Variants in WDR7 observed in about 807,000 individuals in gnomAD.
WDR7 encodes the protein WD repeat domain 7, also known as WD repeat-containing protein 7.
A neutral mutation model predicts 169.4 loss-of-function variants in WDR7; 46 were observed. The observed-to-expected ratio is 0.27, with a 90% CI of 0.21 to 0.35. The LOEUF (loss-of-function observed/expected upper bound fraction) is 0.35. Among genes scored for constraint, WDR7 ranks in the 10% least tolerant of loss-of-function variants. WDR7 has a pLI of 1.00. For synonymous variants in WDR7, 612 were observed against 666.8 expected (o/e 0.92, Z 1.27); for missense variants, 1,534 against 1,859.3 (o/e 0.83, Z 3.22).
At chr18:56,893,799 A>G (rs1485150213) in intron 21 of WDR7, among the ~76,000 whole-genome samples, 1 of 152,170 alleles carries the variant, frequency 6.6e-6, no homozygotes, top group African/African-American at 2.4e-5. Flanking sequence ...CACTACTTCA[A>G]GAACAGCAGA....
intron 19 of WDR7, among the ~76,000 whole-genome samples, chr18:56,796,153 A>G (rs1444053687): frequency 6.6e-6 from 1 of 152,232 alleles, no homozygotes; most frequent in Non-Finnish European, 1.5e-5. Context: ...TATAATCTTA[A>G]CACCCATAGT....
chr18:56,924,192 T>A, intron 22 of WDR7, 84 bp downstream of exon 22: 1 of 1,462,452 alleles, frequency 6.8e-7, no homozygotes, highest in Non-Finnish European at 9.3e-7. Flanking sequence ...TCATTCTGTA[T>A]AGATTGTGCA....
chr18:56,881,223 T>C (rs1910664418), intron 21 of WDR7, among the ~76,000 whole-genome samples: 1 of 152,206 alleles, frequency 6.6e-6, no homozygotes. Flanking sequence ...AACAAATACT[T>C]ATTAGTGATA....
chr18:56,890,363 A>G (rs563236980), intron 21 of WDR7, among the ~76,000 whole-genome samples: 10 of 152,252 alleles, frequency 6.6e-5, no homozygotes, highest in Non-Finnish European at 1.2e-4. Flanking sequence ...TTAATCATGC[A>G]TATTTTATTT....
At chr18:56,752,177 A>C (rs1001296402) in intron 14 of WDR7, among the ~76,000 whole-genome samples, 2 of 152,166 alleles carry the variant, frequency 1.3e-5, no homozygotes, top group Non-Finnish European at 2.9e-5. Flanking sequence ...GTATTTAACA[A>C]GCACTCCTGG....
intron 26 of WDR7, among the ~76,000 whole-genome samples, chr18:56,991,630 T>C (rs1447507097): frequency 6.6e-6 from 1 of 152,212 alleles, no homozygotes; most frequent in East Asian, 1.9e-4. Context: ...GGGCAGTCCA[T>C]AGCTATGGAT....
intron 26 of WDR7, among the ~76,000 whole-genome samples, chr18:56,998,788 AT>A (rs1746942299): frequency 6.6e-6 from 1 of 152,196 alleles, no homozygotes; most frequent in South Asian, 2.1e-4. Flanking sequence ...TCTGAATGTG[AT>A]TTAAGTGGCT....
chr18:56,783,017 T>C (rs569405357), intron 19 of WDR7, among the ~76,000 whole-genome samples: 1 of 152,172 alleles, frequency 6.6e-6, no homozygotes, highest in Non-Finnish European at 1.5e-5. Flanking sequence ...AATGCAAATA[T>C]TTATTTCACT....
chr18:56,838,551 C>T (rs555633343), intron 20 of WDR7, among the ~76,000 whole-genome samples: 3 of 152,246 alleles, frequency 2.0e-5, no homozygotes, highest in South Asian at 4.1e-4. Flanking sequence ...AGAATGTGAA[C>T]GACAAAATTG....
intron 19 of WDR7, among the ~76,000 whole-genome samples, chr18:56,803,023 G>A (rs1032981427): frequency 6.6e-6 from 1 of 151,364 alleles, no homozygotes; most frequent in East Asian, 1.9e-4. Flanking sequence ...GTATCTTCTA[G>A]GTCATTAACT....
At chr18:56,855,626 C>T (rs1006861113) in intron 20 of WDR7, among the ~76,000 whole-genome samples, 10 of 151,880 alleles carry the variant, frequency 6.6e-5, no homozygotes, top group African/African-American at 2.4e-4. Flanking sequence ...ATATCTGGAC[C>T]CTGGGGGGTT....
At chr18:56,876,696 T>A (rs980554147) in intron 20 of WDR7, among the ~76,000 whole-genome samples, 1 of 152,126 alleles carries the variant, frequency 6.6e-6, no homozygotes, top group Non-Finnish European at 1.5e-5. Flanking sequence ...ATGTATTAAA[T>A]ACGTGACTGG....
At chr18:56,973,707 A>C (rs2047524458) in intron 26 of WDR7, among the ~76,000 whole-genome samples, 2 of 152,236 alleles carry the variant, frequency 1.3e-5, no homozygotes, top group South Asian at 4.1e-4. Flanking sequence ...TGAGGACATG[A>C]CTCTGTCATT....
chr18:56,832,827 C>G (rs1176711152), intron 20 of WDR7, among the ~76,000 whole-genome samples: 1 of 152,150 alleles, frequency 6.6e-6, no homozygotes, highest in African/African-American at 2.4e-5. Flanking sequence ...AAAACCCCAT[C>G]TGAAGGTCAC....
At chr18:56,755,273 G>T (rs1240488242) in intron 14 of WDR7, among the ~76,000 whole-genome samples, 1 of 152,080 alleles carries the variant, frequency 6.6e-6, no homozygotes, top group Middle Eastern at 3.2e-3. Flanking sequence ...CTCATCTCAA[G>T]ATCAGTTAGA....
At chr18:56,901,717 T>C (rs1317747860) in intron 21 of WDR7, among the ~76,000 whole-genome samples, 1 of 152,174 alleles carries the variant, frequency 6.6e-6, no homozygotes, top group Non-Finnish European at 1.5e-5. Flanking sequence ...CTAGGTGCTT[T>C]ATCAGACTGA....
intron 26 of WDR7, among the ~76,000 whole-genome samples, chr18:57,016,943 C>T (rs895367463): frequency 1.3e-5 from 2 of 152,192 alleles, no homozygotes; most frequent in African/African-American, 4.8e-5. Context: ...GCATGATACT[C>T]ATTCGCATAT....
intron 14 of WDR7, among the ~76,000 whole-genome samples, chr18:56,748,985 A>G (rs566276583): frequency 5.3e-5 from 8 of 151,998 alleles, no homozygotes; most frequent in Non-Finnish European, 1.2e-4. Flanking sequence ...AGTACTTAAA[A>G]TATTTAATAT....
chr18:57,007,595 C>G (rs2048080799), intron 26 of WDR7, among the ~76,000 whole-genome samples: 1 of 152,086 alleles, frequency 6.6e-6, no homozygotes, highest in Non-Finnish European at 1.5e-5. Context: ...AGTTTAAATA[C>G]TGTCAACCTT....
Sources: allele counts gnomAD v4.1 joint callset (sites outside exome capture counted in the v4.1 genomes callset), GRCh38; gene constraint gnomAD v4.1.1; transcripts MANE v1.5; gene names NCBI Gene and HGNC (gene_info 2026-07-23, HGNC 2026-07-21).